The following RARS1 variants were observed in gnomAD, a reference collection of about 807,000 sequenced individuals.
RARS1 encodes arginine--tRNA ligase, cytoplasmic.
In RARS1, 75 loss-of-function variants were observed where a neutral mutation model predicts 78.7. The ratio of observed to expected loss-of-function variants is 0.95; its 90% CI spans 0.79 to 1.15. The LOEUF (loss-of-function observed/expected upper bound fraction) is 1.15. RARS1 is among the 50% of genes most tolerant of loss of function. The pLI is 0.00. For synonymous variants in RARS1, 273 were observed against 268.2 expected (o/e 1.02, Z -0.18); for missense variants, 787 against 787.5 (o/e 1.00, Z 0.01).
In RARS1 at chr5:168,519,264, TG is replaced by T; in HGVS notation, c.*76del. 2 of 1,139,698 alleles carry T rather than the reference TG, an allele frequency of 1.8e-6. No homozygotes were observed. Among genetic ancestry groups the T allele is most frequent in the Non-Finnish European group, 2.6e-6 (2 of 777,350 alleles). 70.6% of individuals were successfully genotyped at this position (1,139,698 alleles called of 1,614,324 possible). A position where few individuals can be genotyped will look rare whatever the true frequency, so the allele number is the denominator to read the frequency against. On this transcript the variant is annotated 3_prime_UTR_variant, in exon 15 of 15. Coordinates refer to ENST00000231572, the MANE Select transcript of RARS1 (RefSeq NM_002887.4). ...CACTGTTTGCTTTTTTACAATCATG[TG>T]GACACAAGCATAAGTAAAGAAAATT...
At chr5:168,489,238 C>T (rs561204913) in intron 2 of RARS1, among the ~76,000 whole-genome samples, 28 of 151,956 alleles carry the variant, frequency 1.8e-4, no homozygotes, top group African/African-American at 5.8e-4. Flanking sequence ...AGGCTGGCCT[C>T]GGAATTCCTG....
intron 12 of RARS1, 123 bp downstream of exon 12, chr5:168,510,809 C>T: frequency 1.7e-6 from 1 of 586,694 alleles, no homozygotes; most frequent in Non-Finnish European, 2.9e-6. Flanking sequence ...GCTTATATTG[C>T]TCTGACTTTA....
At chr5:168,514,200 C>T (rs1758620802) in intron 12 of RARS1, among the ~76,000 whole-genome samples, 1 of 152,034 alleles carries the variant, frequency 6.6e-6, no homozygotes, top group South Asian at 2.1e-4. Flanking sequence ...TTTGGGGAGT[C>T]ATTTTTGTTT....
chr5:168,501,155 T>C (rs1758310886), intron 8 of RARS1, among the ~76,000 whole-genome samples: 1 of 152,172 alleles, frequency 6.6e-6, no homozygotes, highest in Non-Finnish European at 1.5e-5. Flanking sequence ...TTTTCTAACT[T>C]GACATAATAG....
intron 9 of RARS1, among the ~76,000 whole-genome samples, chr5:168,502,382 ATAT>A (rs1251815588): frequency 1.4e-3 from 171 of 119,370 alleles, no homozygotes; most frequent in African/African-American, 5.1e-3. Flanking sequence ...ATATATATAT[ATAT>A]TTTTTTTTTT....
At position 168,488,503 on chromosome 5, in the gene RARS1, G is replaced by A. The variant is rs546766788; in HGVS notation, c.46-99G>A. The A allele has an allele frequency of 7.0e-5, 89 of 1,276,554 alleles. No individual in the cohort carries two copies. In the African/African-American group the frequency reaches 9.7e-4, roughly 14 times the overall value. 79.1% of individuals were successfully genotyped at this position (1,276,554 alleles called of 1,614,324 possible). ...GAGAAAGAAACACAGCTCATCAAAG[G>A]GAACATTAATGATTCCCATGGTCTA... On this transcript the variant is annotated intron_variant, in intron 1 of 14. Transcript: ENST00000231572.
chr5:168,488,540 G>C (rs1359670792), intron 1 of RARS1, 62 bp from the exon 2 acceptor site: 1 of 1,523,748 alleles, frequency 6.6e-7, no homozygotes, highest in Non-Finnish European at 8.9e-7. Flanking sequence ...GCCACGCCTT[G>C]GTAGAGAGGG....
chr5:168,518,048 A>G lies in RARS1; in HGVS notation c.1859A>G (p.Lys620Arg). Residue 620 changes from lysine (K) to arginine (R), a missense_variant, in exon 14 of 15, where the codon AAA becomes AGA. By Grantham distance (26) the Lys-to-Arg change is conservative (BLOSUM62 2). Coordinates refer to ENST00000231572, the MANE Select transcript of RARS1 (RefSeq NM_002887.4). ...TATGATAGCTGCTACTGTGTGGAGA[A>G]AGATAGACAGACTGGTGAGTGTCTT... ...EFYDSCYCVE[K>R]DRQTGKILKV... 2 of 1,439,108 alleles carry G rather than the reference A, an allele frequency of 1.4e-6. No individual in the cohort carries two copies. The highest frequency in any genetic ancestry group is 2.5e-5 in the South Asian group (2 of 79,154). The allele number at this position is 1,439,108 out of a possible 1,614,324, so 89.1% of individuals were successfully genotyped here. A position where few individuals can be genotyped will look rare whatever the true frequency, so the allele number is the denominator to read the frequency against.
chr5:168,495,681 A>G (rs1312189063), intron 6 of RARS1, among the ~76,000 whole-genome samples: 4 of 152,160 alleles, frequency 2.6e-5, no homozygotes, highest in Non-Finnish European at 5.9e-5. Context: ...CCTTCATTCT[A>G]CACATGTTTC....
chr5:168,486,481 T>C lies in RARS1; in HGVS notation c.-18T>C, dbSNP rs1182182788. On this transcript the variant is annotated 5_prime_UTR_variant, in exon 1 of 15. Transcript: ENST00000231572. ...TTTCCGCTTCCGTCCACTTGGCGAG[T>C]GAGACGCTGATGGGAGGATGGACGT... 1 of 1,555,588 alleles carries C rather than the reference T, an allele frequency of 6.4e-7. No individual in the cohort carries two copies. Among genetic ancestry groups the C allele is most frequent in the Non-Finnish European group, 8.7e-7 (1 of 1,148,684 alleles).
intron 10 of RARS1, 80 bp downstream of exon 10, chr5:168,506,279 C>CT: frequency 1.8e-6 from 2 of 1,137,672 alleles, no homozygotes; most frequent in Non-Finnish European, 2.4e-6. Context: ...ACATCTGACA[C>CT]TGGATGACTG....
At position 168,500,607 on chromosome 5, in the gene RARS1, T is replaced by G; in HGVS notation, c.839T>G (p.Phe280Cys). Reference protein sequence around the residue: ...QVFYKESKKRFDTEEEFKKRA... With the variant: ...QVFYKESKKRCDTEEEFKKRA... ...TATATACAGGAATCTAAGAAGAGGT[T>G]TGATACTGAGGAGGAATTTAAGAAG... Residue 280 changes from phenylalanine to cysteine, a missense_variant, in exon 8 of 15, where the codon TTT becomes TGT. Physicochemically the swap from Phe to Cys is radical, Grantham distance 205. Coordinates refer to ENST00000231572, the MANE Select transcript of RARS1 (RefSeq NM_002887.4). 6.4e-7 allele frequency: 1 copy of G among 1,569,820 alleles called. No homozygotes were observed. Among genetic ancestry groups the G allele is most frequent in the Non-Finnish European group, 8.6e-7 (1 of 1,161,654 alleles).
At chr5:168,510,825 C>T in intron 12 of RARS1, 139 bp downstream of exon 12, 1 of 534,236 alleles carries the variant, frequency 1.9e-6, no homozygotes, top group Non-Finnish European at 3.3e-6. Context: ...CTTTATTGCA[C>T]AGTAAGTTTA....
chr5:168,509,410 ATTG>A (rs931752675), intron 11 of RARS1, among the ~76,000 whole-genome samples: 5 of 145,852 alleles, frequency 3.4e-5, no homozygotes, highest in Non-Finnish European at 6.0e-5. Context: ...AGCATGCTTC[ATTG>A]TTATATTTGA....
At chr5:168,486,615 T>C in intron 1 of RARS1, 72 bp downstream of exon 1, 2 of 1,505,598 alleles carry the variant, frequency 1.3e-6, no homozygotes, top group Middle Eastern at 1.8e-4. Flanking sequence ...CCAAGCGGCT[T>C]CGGGGGCGGG....
chr5:168,517,638 G>A (rs1369723064), intron 13 of RARS1, among the ~76,000 whole-genome samples, 177 bp from the exon 14 acceptor site: 1 of 148,312 alleles, frequency 6.7e-6, no homozygotes. Flanking sequence ...TCCATTTTTA[G>A]TATTATGAAA....
chr5:168,518,210 AATGGCTGGACTT>A (rs1758716636), intron 14 of RARS1, 148 bp downstream of exon 14: 2 of 1,011,392 alleles, frequency 2.0e-6, no homozygotes, highest in African/African-American at 3.4e-5. Context: ...GAGCCTCCCG[AATGGCTGGACTT>A]ACACACGTGT....
intron 8 of RARS1, among the ~76,000 whole-genome samples, chr5:168,501,726 AAAT>A (rs1561822938): frequency 6.9e-6 from 1 of 144,842 alleles, no homozygotes; most frequent in South Asian, 2.3e-4. Flanking sequence ...CCATCTCAAA[AAAT>A]AATAATAAAA....
chr5:168,497,245 A>G lies in RARS1; in HGVS notation c.719A>G (p.Asp240Gly). The change falls in exon 7 of 15, where the codon GAC becomes GGC. Residue 240 changes from aspartate (D) to glycine (G), a missense_variant. Physicochemically the swap from Asp to Gly is moderately conservative, Grantham distance 94. Coordinates refer to ENST00000231572, the MANE Select transcript of RARS1 (RefSeq NM_002887.4). ...GGTGTTAGGTTAAATCATGTAGGAG[A>G]CTGGGGGACCCAGTTTGGCATGCTC... ...YDVLRLNHVG[D>G]WGTQFGMLIA... The G allele has an allele frequency of 6.4e-7, 1 of 1,573,088 alleles. No homozygotes were observed.
Sources: allele counts gnomAD v4.1 joint callset (sites outside exome capture counted in the v4.1 genomes callset), GRCh38; gene constraint gnomAD v4.1.1; transcripts MANE v1.5; gene names NCBI Gene and HGNC (gene_info 2026-07-23, HGNC 2026-07-21).